The following SEMA6D variants were observed in gnomAD, a reference collection of about 807,000 sequenced individuals.
SEMA6D encodes semaphorin-6D.
SEMA6D carries 35 observed loss-of-function variants against 106.6 expected under a neutral mutation model. The observed-to-expected ratio is 0.33, with a 90% CI of 0.25 to 0.44. The LOEUF (loss-of-function observed/expected upper bound fraction) is 0.44. Ranked by LOEUF, SEMA6D falls within the 20% of genes least tolerant of loss-of-function variation. The pLI is 1.00. For missense variants in SEMA6D, 1,185 were observed against 1,345.9 expected (o/e 0.88, Z 1.87); for synonymous variants, 499 against 487.7 (o/e 1.02, Z -0.31).
At chr15:47,627,028 G>A (rs2144387037) in intron 4 of SEMA6D, among the ~76,000 whole-genome samples, 1 of 152,218 alleles carries the variant, frequency 6.6e-6, no homozygotes, top group Non-Finnish European at 1.5e-5. Flanking sequence ...AATGCAAGTT[G>A]GTGAGCAAGA....
intron 3 of SEMA6D, among the ~76,000 whole-genome samples, chr15:47,588,115 G>A (rs1355244322): frequency 2.0e-5 from 3 of 151,990 alleles, no homozygotes; most frequent in African/African-American, 4.8e-5. Flanking sequence ...TCCCTCCCAC[G>A]CCCTATCCCA....
chr15:47,327,195 T>G (rs1266678528), intron 1 of SEMA6D, among the ~76,000 whole-genome samples: 1 of 151,994 alleles, frequency 6.6e-6, no homozygotes, highest in African/African-American at 2.4e-5. Context: ...ATTTAGCCTG[T>G]TTTTTTTCTG....
intron 1 of SEMA6D, among the ~76,000 whole-genome samples, chr15:47,222,180 T>G (rs556117957): frequency 6.6e-6 from 1 of 152,190 alleles, no homozygotes; most frequent in African/African-American, 2.4e-5. Flanking sequence ...GGATTAGGAT[T>G]TTATGGGACT....
chr15:47,483,278 T>C (rs2043204401), intron 3 of SEMA6D, among the ~76,000 whole-genome samples: 1 of 152,140 alleles, frequency 6.6e-6, no homozygotes. Context: ...CCATAGACCC[T>C]TCAGACTGCA....
chr15:47,649,192 G>A (rs1022690710), intron 4 of SEMA6D, among the ~76,000 whole-genome samples: 3 of 152,142 alleles, frequency 2.0e-5, no homozygotes, highest in Non-Finnish European at 4.4e-5. Context: ...ATAAAGCATT[G>A]TGTACAGGGC....
At chr15:47,619,598 G>A (rs1345656011) in intron 4 of SEMA6D, among the ~76,000 whole-genome samples, 1 of 152,166 alleles carries the variant, frequency 6.6e-6, no homozygotes, top group Non-Finnish European at 1.5e-5. Flanking sequence ...TTAGAAAGAT[G>A]AAATTCAGGC....
chr15:47,466,756 G>A (rs557838228), intron 2 of SEMA6D, among the ~76,000 whole-genome samples: 2 of 145,980 alleles, frequency 1.4e-5, no homozygotes, highest in African/African-American at 2.5e-5. Context: ...ATGGAGTCTT[G>A]CTCTGTCTTC....
intron 2 of SEMA6D, among the ~76,000 whole-genome samples, chr15:47,432,505 C>CACAA (rs2041564232): frequency 6.7e-6 from 1 of 149,736 alleles, no homozygotes; most frequent in Non-Finnish European, 1.5e-5. Context: ...TATACACACA[C>CACAA]ACAAACATAC....
chr15:47,505,082 G>A (rs1465739161), intron 3 of SEMA6D, among the ~76,000 whole-genome samples: 1 of 152,114 alleles, frequency 6.6e-6, no homozygotes, highest in Non-Finnish European at 1.5e-5. Flanking sequence ...GGGGAGCAAG[G>A]CCAGGAGTAA....
chr15:47,254,352 T>TATAA (rs1236308586), intron 1 of SEMA6D, among the ~76,000 whole-genome samples: 1 of 147,964 alleles, frequency 6.8e-6, no homozygotes, highest in African/African-American at 2.5e-5. Context: ...TATATATATA[T>TATAA]AAATGATTGT....
chr15:47,472,968 T>A (rs2042896579), intron 3 of SEMA6D, among the ~76,000 whole-genome samples: 1 of 152,228 alleles, frequency 6.6e-6, no homozygotes, highest in South Asian at 2.1e-4. Context: ...CAATGTTTTG[T>A]GTAGTACCTG....
intron 3 of SEMA6D, among the ~76,000 whole-genome samples, chr15:47,507,769 A>C (rs548118401): frequency 2.3e-4 from 35 of 152,326 alleles, no homozygotes; most frequent in Middle Eastern, 3.4e-3. Context: ...TACATTTAGA[A>C]TTAGACATTT....
At chr15:47,404,039 G>T (rs2040480717) in intron 1 of SEMA6D, among the ~76,000 whole-genome samples, 2 of 152,288 alleles carry the variant, frequency 1.3e-5, no homozygotes, top group South Asian at 2.1e-4. Context: ...AGAAGTAATT[G>T]TCAGCTCCCT....
intron 1 of SEMA6D, among the ~76,000 whole-genome samples, chr15:47,330,905 A>G (rs1296275690): frequency 2.0e-5 from 3 of 152,194 alleles, no homozygotes; most frequent in Non-Finnish European, 4.4e-5. Flanking sequence ...ATGTTCATCA[A>G]GAATGCATAC....
chr15:47,226,891 C>T (rs535792207), intron 1 of SEMA6D, among the ~76,000 whole-genome samples: 8 of 152,174 alleles, frequency 5.3e-5, no homozygotes, highest in Admixed American at 3.9e-4. Flanking sequence ...ACGCCAGCTT[C>T]TTTCATCACT....
At chr15:47,315,123 C>T (rs1001104579) in intron 1 of SEMA6D, among the ~76,000 whole-genome samples, 2 of 152,026 alleles carry the variant, frequency 1.3e-5, no homozygotes, top group African/African-American at 4.8e-5. Flanking sequence ...GCCTCGGCCT[C>T]CCAAAGTGCT....
chr15:47,607,108 TAG>T, intron 4 of SEMA6D, among the ~76,000 whole-genome samples: 1 of 97,428 alleles, frequency 1.0e-5, no homozygotes, highest in African/African-American at 5.6e-5. Flanking sequence ...CTTGATCAGA[TAG>T]ATACCTTTTG....
At chr15:47,229,553 A>G (rs1161119901) in intron 1 of SEMA6D, among the ~76,000 whole-genome samples, 4 of 150,278 alleles carry the variant, frequency 2.7e-5, no homozygotes, top group African/African-American at 9.7e-5. Context: ...TTTATTTCCC[A>G]TTTGTCTGCT....
In SEMA6D at chr15:47,460,511, A is replaced by G. The variant is rs555143541; in HGVS notation, c.-158-9963A>G. On this transcript the variant is annotated intron_variant, in intron 2 of 19. Transcript: ENST00000558014. The stretch of plus-strand genomic sequence containing the variant: ...ACTGAAGGGAAATCATATATCTGCT[A>G]TGATTAAAAACTACATCATGATGCT... Among the ~76,000 whole-genome samples the G allele has an allele frequency of 3.3e-5, 5 of 152,220 alleles. No individual in the cohort carries two copies. In the East Asian group the frequency reaches 5.8e-4, roughly 18 times the overall value.
Sources: gnomAD v4.1 joint callset for allele counts (sites outside exome capture counted in the v4.1 genomes callset) on GRCh38, gnomAD v4.1.1 for gene constraint, MANE v1.5 for transcripts, NCBI Gene and HGNC (gene_info 2026-07-23, HGNC 2026-07-21) for gene names.